The following UNC13C variants were observed in gnomAD, a reference collection of about 807,000 sequenced individuals.
The protein encoded by UNC13C is unc-13 homolog C.
UNC13C carries 174 observed loss-of-function variants against 245.4 expected under a neutral mutation model. That is an observed-to-expected ratio of 0.71 (90% confidence interval 0.63 to 0.80). The LOEUF is 0.80. Ranked by LOEUF, UNC13C falls within the 30% of genes least tolerant of loss-of-function variation. The pLI, the probability that UNC13C is intolerant of heterozygous loss-of-function variation, is 0.00. For missense variants in UNC13C, 2,829 were observed against 2,602.9 expected, an observed-to-expected ratio of 1.09 and a Z score of -1.89; for synonymous variants, 992 against 895.1, an observed-to-expected ratio of 1.11 and a Z score of -1.93.
At chr15:54,318,793 G>T (rs2038075746) in intron 13 of UNC13C, among the ~76,000 whole-genome samples, 1 of 151,500 alleles carries the variant, frequency 6.6e-6, no homozygotes, top group African/African-American at 2.4e-5. Flanking sequence ...TGCTTCTTTT[G>T]CCTGTGCTTT....
At chr15:54,458,037 C>G (rs1268646349) in intron 19 of UNC13C, among the ~76,000 whole-genome samples, 1 of 151,560 alleles carries the variant, frequency 6.6e-6, no homozygotes, top group Non-Finnish European at 1.5e-5. Flanking sequence ...TATTAACGTT[C>G]CTTTAAGCAC....
chr15:54,349,578 A>G (rs1279047329), intron 17 of UNC13C, among the ~76,000 whole-genome samples: 2 of 152,218 alleles, frequency 1.3e-5, no homozygotes, highest in African/African-American at 4.8e-5. Flanking sequence ...TGACTTGGTC[A>G]AGTAATTTCA....
Position 54,546,862 on chromosome 15 carries a change from T to C in UNC13C, c.5820+17T>C, listed in dbSNP as rs763162692. On this transcript the variant is annotated intron_variant, in intron 27 of 32. Transcript: ENST00000260323. ...GATCAAACAGTAAGTATATAAAGTT[T>C]AGTTATGCTTTCATTAACCCATCTG... is the stretch of plus-strand genomic sequence containing the variant. The C allele has an allele frequency of 1.3e-6, 2 of 1,559,824 alleles. No homozygotes were observed. The highest frequency in any genetic ancestry group is 8.7e-7 in the Non-Finnish European group (1 of 1,155,668).
At chr15:54,554,326 T>C (rs939938768) in intron 28 of UNC13C, among the ~76,000 whole-genome samples, 1 of 152,022 alleles carries the variant, frequency 6.6e-6, no homozygotes, top group Admixed American at 6.6e-5. Context: ...CTGGGTGTGA[T>C]TGCGTGGTTT....
chr15:54,176,292 G>A (rs1234665125), intron 4 of UNC13C, among the ~76,000 whole-genome samples: 1 of 152,106 alleles, frequency 6.6e-6, no homozygotes, highest in Non-Finnish European at 1.5e-5. Flanking sequence ...TTGTGGACCA[G>A]TGGCTTCTAG....
chr15:54,115,828 C>A (rs536045214), intron 2 of UNC13C, among the ~76,000 whole-genome samples: 11 of 152,122 alleles, frequency 7.2e-5, no homozygotes, highest in Admixed American at 7.2e-4. Flanking sequence ...TCCCTCAAGG[C>A]TCTCAATCTA....
intron 25 of UNC13C, among the ~76,000 whole-genome samples, chr15:54,531,225 C>T (rs1187630799): frequency 1.3e-5 from 2 of 151,962 alleles, no homozygotes; most frequent in African/African-American, 2.4e-5. Flanking sequence ...TTGAGAACCA[C>T]CAGTATATAG....
At chr15:54,159,010 C>T (rs916320048) in intron 4 of UNC13C, among the ~76,000 whole-genome samples, 14 of 152,138 alleles carry the variant, frequency 9.2e-5, no homozygotes, top group African/African-American at 3.1e-4. Context: ...TTATTGCAAA[C>T]TGGGACATGG....
chr15:54,503,206 T>C (rs1263522981), intron 22 of UNC13C, among the ~76,000 whole-genome samples: 2 of 152,136 alleles, frequency 1.3e-5, no homozygotes, highest in Non-Finnish European at 2.9e-5. Context: ...CAGGATATAG[T>C]GTAAGAACAA....
intron 2 of UNC13C, chr15:54,048,984 T>G (rs1595767288): frequency 2.7e-6 from 1 of 368,590 alleles, no homozygotes. Flanking sequence ...GGCCAAAGTA[T>G]GCACCATTGT....
chr15:54,038,118 A>ATGTTTT (rs1297641805), intron 2 of UNC13C, among the ~76,000 whole-genome samples: 1 of 28,800 alleles, frequency 3.5e-5, no homozygotes, highest in Non-Finnish European at 6.3e-5. Flanking sequence ...ATATATATAT[A>ATGTTTT]TATATATTTT....
intron 7 of UNC13C, among the ~76,000 whole-genome samples, chr15:54,249,448 A>G (rs965801792): frequency 3.9e-5 from 6 of 152,188 alleles, no homozygotes; most frequent in African/African-American, 1.4e-4. Flanking sequence ...ATTAAAAGAA[A>G]TGTACCTCTA....
intron 2 of UNC13C, among the ~76,000 whole-genome samples, chr15:54,093,155 A>G (rs1899659383): frequency 6.6e-6 from 1 of 151,450 alleles, no homozygotes; most frequent in South Asian, 2.1e-4. Context: ...ATTCATCCCC[A>G]AGGATGTGTT....
chr15:54,095,627 T>C (rs1899816927), intron 2 of UNC13C, among the ~76,000 whole-genome samples: 2 of 152,216 alleles, frequency 1.3e-5, no homozygotes, highest in Admixed American at 1.3e-4. Flanking sequence ...ACCTACTGAA[T>C]GGGAATCTGC....
chr15:54,453,091 C>T (rs958429863), intron 19 of UNC13C, among the ~76,000 whole-genome samples: 1 of 152,124 alleles, frequency 6.6e-6, no homozygotes, highest in Non-Finnish European at 1.5e-5. Flanking sequence ...GGGACCAAAC[C>T]TGAGCTCATT....
the UNC13C span, among the ~76,000 whole-genome samples, chr15:53,842,957 A>G: frequency 5.3e-5 from 8 of 150,304 alleles, no homozygotes; most frequent in Admixed American, 1.3e-4. Flanking sequence ...GTTCTTTGCA[A>G]TTTAAAAATT....
chr15:54,450,408 G>T (rs1338507445), intron 19 of UNC13C, among the ~76,000 whole-genome samples: 1 of 152,236 alleles, frequency 6.6e-6, no homozygotes, highest in African/African-American at 2.4e-5. Flanking sequence ...TTGAGCTGTG[G>T]TGGGCTCCAC....
the UNC13C span, among the ~76,000 whole-genome samples, chr15:53,886,998 G>T: frequency 1.3e-5 from 2 of 152,096 alleles, no homozygotes; most frequent in Admixed American, 1.3e-4. Context: ...GGTGCCCATG[G>T]AATTATGACA....
intron 19 of UNC13C, among the ~76,000 whole-genome samples, chr15:54,460,644 G>A (rs1441662533): frequency 1.3e-5 from 2 of 152,224 alleles, no homozygotes; most frequent in African/African-American, 4.8e-5. Context: ...GGGTCATAGA[G>A]CTCCCAAGAG....
Sources: gnomAD v4.1 joint callset for allele counts (sites outside exome capture counted in the v4.1 genomes callset) on GRCh38, gnomAD v4.1.1 for gene constraint, MANE v1.5 for transcripts, NCBI Gene and HGNC (gene_info 2026-07-23, HGNC 2026-07-21) for gene names.